The following TTN variants were observed in gnomAD, a reference collection of about 807,000 sequenced individuals.
TTN encodes titin.
In TTN, 1,525 loss-of-function variants were observed where a neutral mutation model predicts 3,223.0. The ratio of observed to expected loss-of-function variants is 0.47; its 90% CI spans 0.45 to 0.49. The LOEUF is 0.49. Ranked by LOEUF, TTN falls within the 20% of genes least tolerant of loss-of-function variation. The pLI, the probability that TTN is intolerant of heterozygous loss-of-function variation, is 0.00. For missense variants in TTN, 40,786 were observed against 43,424.0 expected, an observed-to-expected ratio of 0.94 and a Z score of 5.40; for synonymous variants, 14,094 against 15,161.0, an observed-to-expected ratio of 0.93 and a Z score of 5.17.
chr2:178,638,695 C>G (rs1041325000), intron 223 of TTN, among the ~76,000 whole-genome samples: 2 of 151,802 alleles, frequency 1.3e-5, no homozygotes, highest in Non-Finnish European at 2.9e-5. Context: ...ATTATCAATA[C>G]ATGCCTTCTC....
Position 178,714,111 on chromosome 2 carries a change from C to A in TTN, c.26547G>T (p.Leu8849Phe). The A allele has an allele frequency of 6.2e-7, 1 of 1,613,724 alleles. No individual in the cohort carries two copies. The highest frequency in any genetic ancestry group is 8.5e-7 in the Non-Finnish European group (1 of 1,179,722). Residue 8849 changes from leucine (L) to phenylalanine (F), a missense_variant, in exon 92 of 363, where the codon TTG becomes TTT. Leu to Phe is a conservative substitution (Grantham distance 22). Transcript: ENST00000589042. ...IKVTTGDTCT[L>F]ECTVAGTPEL... The stretch of plus-strand genomic sequence containing the variant: ...CAGGGGTGCCAGCTACTGTACACTC[C>A]AAGGTACAGGTGTCTCCCGTGGTAA...
Position 178,793,449 on chromosome 2 carries a change from T to C in TTN, c.1491A>G (p.Glu497=), listed in dbSNP as rs1168703520. Reference sequence around the variant, plus strand: ...TCTGCTCTTGCTTTGTGGTAATTACTTCTTTGGTTCTTGATTTTAATTCTT... The same window carrying C: ...TCTGCTCTTGCTTTGTGGTAATTACCTCTTTGGTTCTTGATTTTAATTCTT... ...KEQELKSRTK[E]VITTKQEQMH... Residue 497 remains glutamate (E), a synonymous_variant, in exon 9 of 363, where the codon GAA becomes GAG. Transcript: ENST00000589042. The C allele has an allele frequency of 1.2e-6, 2 of 1,614,184 alleles. No homozygotes were observed. Among genetic ancestry groups the C allele is most frequent in the Non-Finnish European group, 1.7e-6 (2 of 1,180,014 alleles).
intron 11 of TTN, 65 bp from the exon 12 acceptor site, chr2:178,790,180 G>A (rs538828757): frequency 5.8e-6 from 9 of 1,546,442 alleles, no homozygotes; most frequent in African/African-American, 1.4e-5. Flanking sequence ...TAAAAGAAAC[G>A]TAAGTCAAAA....
intron 294 of TTN, among the ~76,000 whole-genome samples, chr2:178,597,032 G>A (rs749315239): frequency 6.6e-6 from 1 of 152,114 alleles, no homozygotes; most frequent in Non-Finnish European, 1.5e-5. Flanking sequence ...GTCTCATGAT[G>A]TGAAATGGTC....
chr2:178,698,920 A>G lies in TTN; in HGVS notation c.30683-6T>C, dbSNP rs1402550258. 1 of 1,464,764 alleles carries G rather than the reference A, an allele frequency of 6.8e-7. No homozygotes were observed. Among genetic ancestry groups the G allele is most frequent in the Non-Finnish European group, 9.1e-7 (1 of 1,104,498 alleles). The allele number at this position is 1,464,764 out of a possible 1,614,324, so 90.7% of individuals were successfully genotyped here. ...CTTCACAGCCTTTTTGGTAACTAAA[A>G]AAAAAAAAAAAGAAAAAAAAAGAAA... On this transcript the variant is annotated splice_polypyrimidine_tract_variant and splice_region_variant and intron_variant, in intron 111 of 362. Transcript: ENST00000589042.
rs763562866 is a variant in TTN, at chr2:178,663,291, G to T, written c.36675C>A (p.Pro12225=). ...CTTCAGGGGGAGGACTTTCCGGTTT[G>T]GGAGGAATAGCTTCAGGCAACTTCT... ...PEKKLPEAIP[P]KPESPPPEVP... is the part of the protein sequence containing the mutation. The change falls in exon 173 of 363, where the codon CCC becomes CCA. Residue 12225 remains proline (P), a synonymous_variant. Coordinates refer to ENST00000589042, the MANE Select transcript of TTN (RefSeq NM_001267550.2). 10 of 1,564,204 alleles carry T rather than the reference G, an allele frequency of 6.4e-6. No homozygotes were observed. In the Admixed American group the frequency reaches 1.3e-4, roughly 20 times the overall value.
In TTN at chr2:178,720,411, G is replaced by T; in HGVS notation, c.23351C>A (p.Thr7784Lys). 1.2e-6 allele frequency: 2 copies of T among 1,613,090 alleles called. No individual in the cohort carries two copies. Among genetic ancestry groups the T allele is most frequent in the Non-Finnish European group, 1.7e-6 (2 of 1,179,424 alleles). ...CKATNEVGSD[T>K]CSCSVKFKEP... Reference sequence around the variant, plus strand: ...TTTGAACTTGACAGAGCAAGAACACGTGTCACTTCCCACCTCATTAGTAGC... The same window carrying T: ...TTTGAACTTGACAGAGCAAGAACACTTGTCACTTCCCACCTCATTAGTAGC... Residue 7784 changes from threonine to lysine, a missense_variant, in exon 80 of 363, where the codon ACG (threonine) becomes AAG (lysine). Physicochemically the swap from Thr to Lys is moderately conservative, Grantham distance 78. Coordinates refer to ENST00000589042, the MANE Select transcript of TTN (RefSeq NM_001267550.2).
chr2:178,768,557 A>T, intron 38 of TTN, 116 bp downstream of exon 38: 1 of 1,440,784 alleles, frequency 6.9e-7, no homozygotes. Flanking sequence ...TTGCTGAATG[A>T]TATCCCATCG....
intron 46 of TTN, among the ~76,000 whole-genome samples, chr2:178,755,475 G>A (rs1015448947): frequency 3.9e-5 from 6 of 152,042 alleles, no homozygotes; most frequent in Admixed American, 2.0e-4. Context: ...TAGTTCTGTT[G>A]CCCAGGCTGG....
In TTN at chr2:178,635,721, T is replaced by C. The variant is rs754210075; in HGVS notation, c.41609-6A>G. ...CAGCCAATCTCTAATGACTTCTATA[T>C]GAAAATAAGATCAGAAAAAATGATT... On this transcript the variant is annotated splice_region_variant and splice_polypyrimidine_tract_variant and intron_variant, in intron 226 of 362. Transcript: ENST00000589042. 1.6e-5 allele frequency: 26 copies of C among 1,588,166 alleles called. No homozygotes were observed. Among genetic ancestry groups the C allele is most frequent in the Non-Finnish European group, 2.2e-5 (26 of 1,169,076 alleles).
Position 178,592,852 on chromosome 2 carries a change from CTAAACT to C in TTN, c.59261_59266del (p.Lys19754_Phe19755del). ...ACCAGCTGCATTGACTGCTAACACT[CTAAACT>C]TATAGGTTTGACCGTCCCGAAGACC... On this transcript the variant is annotated inframe_deletion, in exon 300 of 363. Coordinates refer to ENST00000589042, the MANE Select transcript of TTN (RefSeq NM_001267550.2). 1 of 1,613,528 alleles carries C rather than the reference CTAAACT, an allele frequency of 6.2e-7. No homozygotes were observed. Among genetic ancestry groups the C allele is most frequent in the East Asian group, 2.2e-5 (1 of 44,788 alleles).
intron 6 of TTN, among the ~76,000 whole-genome samples, chr2:178,796,601 T>C (rs1012801772): frequency 2.6e-5 from 4 of 152,164 alleles, no homozygotes; most frequent in Admixed American, 1.3e-4. Flanking sequence ...GCCTTTGAAA[T>C]ATAACAAAAA....
chr2:178,712,631 TATAC>T, intron 94 of TTN, 38 bp from the exon 95 acceptor site: 1 of 1,607,280 alleles, frequency 6.2e-7, no homozygotes, highest in Non-Finnish European at 8.5e-7. Flanking sequence ...ATCAAACACA[TATAC>T]ATACAGACAA....
chr2:178,725,356 T>A lies in TTN; in HGVS notation c.20836+12A>T, dbSNP rs747440716. The A allele has an allele frequency of 2.0e-6, 3 of 1,499,794 alleles. No homozygotes were observed. In the South Asian group the frequency reaches 4.2e-5, roughly 21 times the overall value. The allele number at this position is 1,499,794 out of a possible 1,614,324, so 92.9% of individuals were successfully genotyped here. On this transcript the variant is annotated intron_variant, in intron 71 of 362. Coordinates refer to ENST00000589042, the MANE Select transcript of TTN (RefSeq NM_001267550.2). ...TTTGGCACCAGTTTCTATCGTGGGC[T>A]ATTGTACCAACCTAAGACCATCAGT...
At chr2:178,765,263 T>C (rs2090167642) in intron 41 of TTN, among the ~76,000 whole-genome samples, 1 of 152,258 alleles carries the variant, frequency 6.6e-6, no homozygotes, top group African/African-American at 2.4e-5. Context: ...CATTTTGTTA[T>C]GTACCAGTGC....
At position 178,551,927 on chromosome 2, in the gene TTN, G is replaced by C; in HGVS notation, c.90973C>G (p.Pro30325Ala). ...ATAACTGGCTTTCCTGGGGGACCAG[G>C]AATCCTGAACTGGTGTTTTGCCACA... Reference protein sequence around the residue: ...IIVAKHQFRIPGPPGKPVIYN... With the variant: ...IIVAKHQFRIAGPPGKPVIYN... The change falls in exon 335 of 363, where the codon CCT (proline) becomes GCT (alanine). Residue 30325 changes from proline to alanine, a missense_variant. Coordinates refer to ENST00000589042, the MANE Select transcript of TTN (RefSeq NM_001267550.2). 3.1e-6 allele frequency: 5 copies of C among 1,613,704 alleles called. No individual in the cohort carries two copies. The East Asian group carries it at 6.7e-5, about 22-fold the overall frequency.
At chr2:178,583,313 G>A in intron 312 of TTN, 86 bp from the exon 313 acceptor site, 2 of 1,253,032 alleles carry the variant, frequency 1.6e-6, no homozygotes, top group South Asian at 2.2e-5. Flanking sequence ...TTCATATGCT[G>A]CTTCTTTCAA....
chr2:178,766,692 T>A, intron 40 of TTN, 80 bp from the exon 41 acceptor site: 1 of 1,121,102 alleles, frequency 8.9e-7, no homozygotes, highest in Non-Finnish European at 1.3e-6. Flanking sequence ...AATCAATTTC[T>A]AAAACTGGTC....
Position 178,565,529 on chromosome 2 carries a change from C to G in TTN, c.80603G>C (p.Gly26868Ala). ...CAAGTCCTTGGCTATGACAGGAACACCCAACACTCTTGGATCGCTTTTTCC... is the reference window on the plus strand; with the variant it reads ...CAAGTCCTTGGCTATGACAGGAACAGCCAACACTCTTGGATCGCTTTTTCC... ...EKGKSDPRVLGVPVIAKDLTI... is the reference protein window; with the variant it reads ...EKGKSDPRVLAVPVIAKDLTI... The change falls in exon 326 of 363, where the codon GGT becomes GCT. Residue 26868 changes from glycine to alanine, a missense_variant. Physicochemically the swap from Gly to Ala is moderately conservative, Grantham distance 60 (BLOSUM62 0). Transcript: ENST00000589042. 6.2e-7 allele frequency: 1 copy of G among 1,613,476 alleles called. No homozygotes were observed. Among genetic ancestry groups the G allele is most frequent in the Non-Finnish European group, 8.5e-7 (1 of 1,179,596 alleles).
Sources: allele counts gnomAD v4.1 joint callset (sites outside exome capture counted in the v4.1 genomes callset), GRCh38; gene constraint gnomAD v4.1.1; transcripts MANE v1.5; gene names NCBI Gene and HGNC (gene_info 2026-07-23, HGNC 2026-07-21).